NRG1: variants seen among roughly 807,000 people sequenced by gnomAD.
NRG1 encodes the protein pro-neuregulin-1, membrane-bound isoform.
Under a neutral mutation model 63.8 loss-of-function variants are expected in NRG1, and 18 were observed. The ratio of observed to expected loss-of-function variants is 0.28; its 90% CI spans 0.19 to 0.42. NRG1 has a LOEUF of 0.42. NRG1 is among the 10% of genes least tolerant of loss of function. The probability of loss-of-function intolerance (pLI) is 1.00; values close to 1 mark genes in which losing one functional copy is unlikely to be tolerated. For missense variants in NRG1, 762 were observed against 814.7 expected, an observed-to-expected ratio of 0.94 and a Z score of 0.79; for synonymous variants, 302 against 301.3, an observed-to-expected ratio of 1.00 and a Z score of -0.02.
chr8:32,229,160 A>C (rs1449701874), intron 1 of NRG1, among the ~76,000 whole-genome samples: 2 of 152,216 alleles, frequency 1.3e-5, no homozygotes, highest in Non-Finnish European at 2.9e-5. Context: ...TCCTGTTGGC[A>C]GCCACGAAGT....
chr8:32,526,704 T>C (rs1385902524), intron 1 of NRG1, among the ~76,000 whole-genome samples: 1 of 152,186 alleles, frequency 6.6e-6, no homozygotes, highest in Non-Finnish European at 1.5e-5. Context: ...CAGTGAACTA[T>C]CCCAAGTGAT....
intron 1 of NRG1, among the ~76,000 whole-genome samples, chr8:32,211,153 A>G (rs1222972082): frequency 1.3e-5 from 2 of 152,182 alleles, no homozygotes; most frequent in Non-Finnish European, 2.9e-5. Context: ...TTTGTTGTCA[A>G]AAATAAGCAA....
At chr8:32,548,608 A>C in exon 1 of NRG1, 1 of 1,386,034 alleles carries the variant, frequency 7.2e-7, no homozygotes, top group South Asian at 1.6e-5. Flanking sequence ...CGAGCGCCTC[A>C]GCGCGGCCGC....
chr8:32,298,153 A>G (rs1328770444), intron 1 of NRG1, among the ~76,000 whole-genome samples: 1 of 152,250 alleles, frequency 6.6e-6, no homozygotes, highest in Non-Finnish European at 1.5e-5. Flanking sequence ...TTCCACATGT[A>G]GTTATTTCTG....
At chr8:32,462,500 A>G (rs1436985997) in intron 1 of NRG1, among the ~76,000 whole-genome samples, 7 of 152,112 alleles carry the variant, frequency 4.6e-5, no homozygotes, top group South Asian at 4.1e-4. Context: ...GTAAGAGCAC[A>G]TAAAATCTAC....
At chr8:32,379,681 GAAGATATTA>G (rs1810093993) in intron 1 of NRG1, among the ~76,000 whole-genome samples, 1 of 152,146 alleles carries the variant, frequency 6.6e-6, no homozygotes, top group African/African-American at 2.4e-5. Context: ...CCTTATCACT[GAAGATATTA>G]ACAAATCCTA....
chr8:32,127,165 C>G (rs1456869303), intron 1 of NRG1, among the ~76,000 whole-genome samples: 2 of 151,912 alleles, frequency 1.3e-5, no homozygotes, highest in African/African-American at 4.8e-5. Context: ...TAGCTGAAAG[C>G]CTAGGATGTA....
chr8:32,558,817 ATGCCTGTAATCCCAACACTT>A (rs1835718308), intron 1 of NRG1, among the ~76,000 whole-genome samples: 1 of 152,120 alleles, frequency 6.6e-6, no homozygotes, highest in Non-Finnish European at 1.5e-5. Context: ...CACGTGGCTC[ATGCCTGTAATCCCAACACTT>A]TGGGAAGCCA....
chr8:32,287,424 G>C (rs1853662900), intron 1 of NRG1: 1 of 152,188 alleles, frequency 6.6e-6, no homozygotes, highest in South Asian at 2.1e-4. Flanking sequence ...CAGGCTTAAG[G>C]AGGCTTTTAG....
At chr8:31,726,443 G>C (rs538497037) in intron 1 of NRG1, among the ~76,000 whole-genome samples, 1 of 152,094 alleles carries the variant, frequency 6.6e-6, no homozygotes, top group Admixed American at 6.6e-5. Flanking sequence ...CAAAATTTTG[G>C]CATGTAACTT....
upstream of NRG1, among the ~76,000 whole-genome samples, chr8:32,546,202 A>C (rs958284825): frequency 2.6e-5 from 4 of 152,182 alleles, no homozygotes; most frequent in African/African-American, 7.2e-5. Context: ...TCACTGAAAA[A>C]TTACTCTAAA....
At chr8:31,734,191 T>TG (rs1464058426) in intron 1 of NRG1, among the ~76,000 whole-genome samples, 1 of 151,986 alleles carries the variant, frequency 6.6e-6, no homozygotes, top group African/African-American at 2.4e-5. Context: ...CCAGGCATGG[T>TG]GGCGCGTACC....
rs184368843 is a variant in NRG1, at chr8:32,006,026, C to G, written c.37+366595C>G. On this transcript the variant is annotated intron_variant, in intron 1 of 10. Coordinates refer to the NRG1 transcript ENST00000519301. ...AAGCCTGGATGTTTGTCTTTTCATA[C>G]TCTGGAAACATGGACAAAGACAAAA... 2.4e-4 allele frequency among the ~76,000 whole-genome samples: 36 copies of G among 152,078 alleles called. No homozygotes were observed. The East Asian group carries it at 5.1e-3, about 21-fold the overall frequency.
chr8:32,378,566 C>T (rs1272718112), intron 1 of NRG1, among the ~76,000 whole-genome samples: 1 of 152,108 alleles, frequency 6.6e-6, no homozygotes, highest in African/African-American at 2.4e-5. Flanking sequence ...GGGATTTGCC[C>T]TGATTCTTGG....
chr8:32,447,882 T>G (rs12707706), intron 1 of NRG1, among the ~76,000 whole-genome samples: 71,776 of 151,312 alleles, frequency 0.47, 17,485 homozygotes, highest in East Asian at 0.79. Context: ...AGCAACAGTT[T>G]TTCTATAACG....
intron 5 of NRG1, among the ~76,000 whole-genome samples, chr8:32,653,239 A>T (rs771967301): frequency 1.3e-5 from 2 of 152,110 alleles, no homozygotes; most frequent in African/African-American, 4.8e-5. Context: ...AAAACAGTAG[A>T]GTGCCTGCCC....
intron 1 of NRG1, among the ~76,000 whole-genome samples, chr8:32,412,436 A>ATATGTG (rs1554532820): frequency 4.8e-5 from 2 of 42,104 alleles, no homozygotes; most frequent in African/African-American, 6.2e-5. Flanking sequence ...ATATATATAT[A>ATATGTG]TATATATATA....
intron 1 of NRG1, among the ~76,000 whole-genome samples, chr8:32,472,318 C>T (rs940216127): frequency 6.6e-6 from 1 of 152,128 alleles, no homozygotes; most frequent in African/African-American, 2.4e-5. Context: ...TACAGACACC[C>T]GCCATGACAC....
At chr8:32,016,846 A>G (rs1035085473) in intron 1 of NRG1, among the ~76,000 whole-genome samples, 1 of 152,200 alleles carries the variant, frequency 6.6e-6, no homozygotes, top group Non-Finnish European at 1.5e-5. Flanking sequence ...CAATAAAATG[A>G]TCCCAATCAG....
Sources: gnomAD v4.1 joint callset for allele counts (sites outside exome capture counted in the v4.1 genomes callset) on GRCh38, gnomAD v4.1.1 for gene constraint, MANE v1.5 for transcripts, NCBI Gene and HGNC (gene_info 2026-07-23, HGNC 2026-07-21) for gene names.